The following RICTOR variants were observed in gnomAD, a reference collection of about 807,000 sequenced individuals.
The protein encoded by RICTOR is rapamycin-insensitive companion of mTOR.
RICTOR carries 49 observed loss-of-function variants against 214.9 expected under a neutral mutation model. The ratio of observed to expected loss-of-function variants is 0.23; its 90% CI spans 0.18 to 0.29. The LOEUF is 0.29. Ranked by LOEUF, RICTOR falls within the 10% of genes least tolerant of loss-of-function variation. The probability of loss-of-function intolerance (pLI) is 1.00; values close to 1 mark genes in which losing one functional copy is unlikely to be tolerated. For missense variants in RICTOR, 1,625 were observed against 2,047.0 expected, an observed-to-expected ratio of 0.79 and a Z score of 3.98; for synonymous variants, 717 against 711.3, an observed-to-expected ratio of 1.01 and a Z score of -0.13.
rs1748321916 is a variant in RICTOR at position 38,947,349 on chromosome 5, C to T, written c.4229G>A (p.Arg1410Gln). ...ATATGTGGCACTGGACACCATGGAC[C>T]GCACTGAGGAAGATCGTTGCAGGGT... ...QNTLQRSSSV[R>Q]SMVSSATYGG... is the part of the protein sequence containing the mutation. Residue 1410 changes from arginine (R) to glutamine (Q), a missense_variant, in exon 32 of 38, where the codon CGG (arginine) becomes CAG (glutamine). Arg to Gln is a conservative substitution (Grantham distance 43). This residue lies in a region of RICTOR where 1,214 missense variants were observed against 1,470.5 expected (regional missense o/e 0.83). Coordinates refer to ENST00000357387, the MANE Select transcript of RICTOR (RefSeq NM_152756.5). 8 of 1,611,824 alleles carry T rather than the reference C, an allele frequency of 5.0e-6. No homozygotes were observed. Among genetic ancestry groups the T allele is most frequent in the South Asian group, 1.1e-5 (1 of 90,982 alleles).
At chr5:39,064,431 G>C (rs1040432235) in intron 2 of RICTOR, among the ~76,000 whole-genome samples, 3 of 152,148 alleles carry the variant, frequency 2.0e-5, no homozygotes, top group Non-Finnish European at 2.9e-5. Flanking sequence ...TATTGTGGGA[G>C]AGAAAAGAAC....
intron 3 of RICTOR, 42 bp downstream of exon 3, chr5:39,020,996 GA>G (rs1755380285): frequency 3.1e-6 from 3 of 958,300 alleles, no homozygotes; most frequent in Middle Eastern, 4.5e-4. Context: ...GTGTGGTAAG[GA>G]ACAAAGAATT....
chr5:39,011,164 C>G (rs974044782), intron 3 of RICTOR, among the ~76,000 whole-genome samples: 2 of 152,066 alleles, frequency 1.3e-5, no homozygotes, highest in African/African-American at 4.8e-5. Context: ...TGCCCTGTAT[C>G]CCAGCCGTGG....
intron 3 of RICTOR, among the ~76,000 whole-genome samples, chr5:39,006,088 G>A (rs1258792401): frequency 1.3e-5 from 2 of 152,022 alleles, no homozygotes; most frequent in African/African-American, 2.4e-5. Context: ...TTTGACTTTC[G>A]GCAACAGTAT....
chr5:38,990,072 A>G (rs1328194900), intron 7 of RICTOR, among the ~76,000 whole-genome samples: 1 of 152,158 alleles, frequency 6.6e-6, no homozygotes, highest in Non-Finnish European at 1.5e-5. Flanking sequence ...TTCACAATAC[A>G]AAAGGTTTGG....
intron 2 of RICTOR, among the ~76,000 whole-genome samples, chr5:39,072,329 A>G (rs1348989704): frequency 6.6e-6 from 1 of 152,202 alleles, no homozygotes; most frequent in African/African-American, 2.4e-5. Flanking sequence ...GTAAAACTGG[A>G]GTAAGCCAAA....
At chr5:39,038,070 A>G (rs1756870074) in intron 2 of RICTOR, among the ~76,000 whole-genome samples, 1 of 152,246 alleles carries the variant, frequency 6.6e-6, no homozygotes, top group Non-Finnish European at 1.5e-5. Flanking sequence ...AAAATTCTCA[A>G]TAAAATACTG....
At chr5:39,068,242 C>G (rs1759039128) in intron 2 of RICTOR, among the ~76,000 whole-genome samples, 1 of 152,174 alleles carries the variant, frequency 6.6e-6, no homozygotes, top group South Asian at 2.1e-4. Flanking sequence ...GAATATTAAA[C>G]TACATGCCAT....
chr5:39,051,852 T>C (rs1206854550), intron 2 of RICTOR, among the ~76,000 whole-genome samples: 3 of 152,230 alleles, frequency 2.0e-5, no homozygotes, highest in Admixed American at 6.5e-5. Flanking sequence ...AGGAGTGATA[T>C]GCTAATTTTC....
intron 5 of RICTOR, 118 bp downstream of exon 5, chr5:39,002,409 TATATATAC>T (rs1345894445): frequency 5.1e-6 from 3 of 586,608 alleles, no homozygotes; most frequent in Admixed American, 2.9e-5. Flanking sequence ...TGTATATATA[TATATATAC>T]ACACACACAA....
intron 7 of RICTOR, among the ~76,000 whole-genome samples, chr5:38,985,403 G>C (rs1373683020): frequency 1.3e-5 from 2 of 152,060 alleles, no homozygotes; most frequent in Non-Finnish European, 2.9e-5. Context: ...TCAATCCACA[G>C]ATGTGGAAGC....
At chr5:39,024,933 G>C (rs766227401) in intron 2 of RICTOR, among the ~76,000 whole-genome samples, 6 of 152,126 alleles carry the variant, frequency 3.9e-5, no homozygotes, top group Non-Finnish European at 4.4e-5. Flanking sequence ...ACTGTTTTAA[G>C]TACTGGAAAT....
rs780581576 is a variant in RICTOR, at chr5:38,950,497, T to A, written c.3351A>T (p.Gly1117=). 2 of 1,613,462 alleles carry A rather than the reference T, an allele frequency of 1.2e-6. No individual in the cohort carries two copies. The highest frequency in any genetic ancestry group is 1.7e-6 in the Non-Finnish European group (2 of 1,179,602). The change falls in exon 31 of 38, where the codon GGA becomes GGT. Residue 1117 remains glycine, a synonymous_variant. Transcript: ENST00000357387. ...KKHRSSSDPK[G]GKLSSESKTS... ...TCTTACTTTCAGATGATAATTTCCC[T>A]CCTTTTGGATCACTGCTACTACGAT...
chr5:38,952,938 G>C, intron 29 of RICTOR, 47 bp downstream of exon 29: 4 of 1,136,382 alleles, frequency 3.5e-6, no homozygotes, highest in Non-Finnish European at 5.3e-6. Context: ...ATCCATTTGT[G>C]AATAACAACG....
chr5:38,955,378 C>T (rs1427798979), intron 26 of RICTOR, among the ~76,000 whole-genome samples: 1 of 151,824 alleles, frequency 6.6e-6, no homozygotes, highest in Admixed American at 6.6e-5. Flanking sequence ...GAATCTAGGC[C>T]TAGAAATACA....
chr5:38,995,215 T>C (rs190525771), intron 6 of RICTOR, among the ~76,000 whole-genome samples: 27 of 152,322 alleles, frequency 1.8e-4, no homozygotes, highest in Admixed American at 1.7e-3. Context: ...TTATACACTA[T>C]GGAATATTAC....
intron 31 of RICTOR, among the ~76,000 whole-genome samples, chr5:38,948,383 TA>T (rs1748415189): frequency 6.6e-6 from 1 of 152,128 alleles, no homozygotes; most frequent in African/African-American, 2.4e-5. Flanking sequence ...TTTCAAACTG[TA>T]ATCTGTTACA....
At chr5:39,068,231 C>CGAAT (rs1044497146) in intron 2 of RICTOR, among the ~76,000 whole-genome samples, 50 of 152,204 alleles carry the variant, frequency 3.3e-4, no homozygotes, top group African/African-American at 1.2e-3. Context: ...CAAGGTCAAG[C>CGAAT]GAATATTAAA....
intron 23 of RICTOR, 66 bp from the exon 24 acceptor site, chr5:38,958,585 G>A (rs999979245): frequency 6.6e-7 from 1 of 1,518,536 alleles, no homozygotes; most frequent in Non-Finnish European, 9.1e-7. Context: ...GTTCCAAAAT[G>A]CCTATTATAT....
Sources: allele counts gnomAD v4.1 joint callset (sites outside exome capture counted in the v4.1 genomes callset), GRCh38; gene constraint gnomAD v4.1.1; regional missense constraint gnomAD v4.1.1; transcripts MANE v1.5; gene names NCBI Gene and HGNC (gene_info 2026-07-23, HGNC 2026-07-21).